L3MBTL1: variants seen among roughly 807,000 people sequenced by gnomAD.
The protein encoded by L3MBTL1 is lethal(3)malignant brain tumor-like protein 1.
A neutral mutation model predicts 105.3 loss-of-function variants in L3MBTL1; 75 were observed. That is an observed-to-expected ratio of 0.71 (90% CI 0.59 to 0.86). L3MBTL1 has a LOEUF of 0.86. Among genes scored for constraint, L3MBTL1 ranks in the 40% least tolerant of loss-of-function variants. The probability of loss-of-function intolerance (pLI) is 0.00; values close to 1 mark genes in which losing one functional copy is unlikely to be tolerated. For missense variants in L3MBTL1, 1,069 were observed against 1,126.4 expected (o/e 0.95, Z 0.73); for synonymous variants, 452 against 436.2 (o/e 1.04, Z -0.45).
chr20:43,543,033 A>G (rs980277883), downstream of L3MBTL1, among the ~76,000 whole-genome samples: 2 of 152,076 alleles, frequency 1.3e-5, no homozygotes, highest in African/African-American at 2.4e-5. Context: ...TTTGGGGTTC[A>G]TAAAAGCCCC....
rs773127753 is a variant in L3MBTL1 at position 43,535,878 on chromosome 20, C to T, written c.1867C>T (p.Pro623Ser). 2 of 1,612,512 alleles carry T rather than the reference C, an allele frequency of 1.2e-6. No homozygotes were observed. The highest frequency in any genetic ancestry group is 2.7e-5 in the African/African-American group (2 of 74,854). Residue 623 changes from proline to serine, a missense_variant, in exon 17 of 22, where the codon CCT becomes TCT. Transcript: ENST00000418998. ...CTCTGCCTCCCCTGGGGGCTGTCCC[C>T]CTCTCAGCTATAGGAGCCTGCCCCA... is the stretch of plus-strand genomic sequence containing the variant. Reference protein sequence around the residue: ...PSSASPGGCPPLSYRSLPHTR... With the variant: ...PSSASPGGCPSLSYRSLPHTR...
downstream of L3MBTL1, among the ~76,000 whole-genome samples, chr20:43,543,106 G>GTTT (rs55725272): frequency 1.4e-5 from 2 of 147,480 alleles, no homozygotes; most frequent in Non-Finnish European, 1.5e-5. Context: ...GCACCACTGA[G>GTTT]TTTTTTTTTT....
At chr20:43,509,175 G>GT (rs1038074430) in intron 1 of L3MBTL1, among the ~76,000 whole-genome samples, 51 of 151,904 alleles carry the variant, frequency 3.4e-4, no homozygotes, top group African/African-American at 1.2e-3. Flanking sequence ...CAGTTATGTG[G>GT]TTTTTTCTTT....
At chr20:43,539,125 G>C (rs1414896000) in intron 19 of L3MBTL1, 1 of 152,538 alleles carries the variant, frequency 6.6e-6, no homozygotes, top group Admixed American at 6.5e-5. Context: ...AGGTGGAAAA[G>C]CCAGGCTGAA....
downstream of L3MBTL1, among the ~76,000 whole-genome samples, chr20:43,545,441 A>G (rs1978532393): frequency 6.6e-6 from 1 of 151,930 alleles, no homozygotes; most frequent in Non-Finnish European, 1.5e-5. Flanking sequence ...TTCTGCACAG[A>G]CACATCTGCT....
chr20:43,548,018 C>G (rs774957386), intron 18 of L3MBTL1: 7 of 753,822 alleles, frequency 9.3e-6, no homozygotes, highest in African/African-American at 1.8e-5. Flanking sequence ...TCCCCTCCCC[C>G]ATTCCCCATG....
At chr20:43,535,811 G>A (rs750244126) in intron 16 of L3MBTL1, 26 bp from the exon 17 acceptor site, 2 of 1,492,266 alleles carry the variant, frequency 1.3e-6, no homozygotes, top group Non-Finnish European at 1.8e-6. Context: ...GACTCCATGA[G>A]GACCGCCTCC....
At chr20:43,524,409 A>G (rs1249902638) in intron 7 of L3MBTL1, among the ~76,000 whole-genome samples, 1 of 152,218 alleles carries the variant, frequency 6.6e-6, no homozygotes, top group African/African-American at 2.4e-5. Context: ...CTAAGAGTTC[A>G]GAGTAAGCAA....
chr20:43,549,820 A>T (rs1978872718), exon 19 of L3MBTL1: 1 of 152,164 alleles, frequency 6.6e-6, no homozygotes, highest in Non-Finnish European at 1.5e-5. Flanking sequence ...GCCAAGGGCT[A>T]TTATCATTAA....
chr20:43,533,292 C>T, intron 12 of L3MBTL1, 50 bp from the exon 13 acceptor site: 1 of 1,559,736 alleles, frequency 6.4e-7, no homozygotes, highest in Non-Finnish European at 8.8e-7. Flanking sequence ...GGATGGCAGG[C>T]TCAGGGCCTC....
chr20:43,526,570 A>G (rs868228995), intron 7 of L3MBTL1, among the ~76,000 whole-genome samples: 4 of 152,358 alleles, frequency 2.6e-5, no homozygotes, highest in Middle Eastern at 3.4e-3. Context: ...TGCTTGATCC[A>G]TTGATGAACA....
intron 19 of L3MBTL1, among the ~76,000 whole-genome samples, chr20:43,538,555 T>C (rs1256305612): frequency 6.6e-6 from 1 of 151,958 alleles, no homozygotes; most frequent in Non-Finnish European, 1.5e-5. Flanking sequence ...TAGTGTAGGC[T>C]CTGAGGTTTG....
chr20:43,542,898 T>C (rs2019969216), downstream of L3MBTL1, among the ~76,000 whole-genome samples: 1 of 152,224 alleles, frequency 6.6e-6, no homozygotes, highest in South Asian at 2.1e-4. Context: ...ATTTCATGAG[T>C]ATACCATAAT....
At position 43,534,953 on chromosome 20, in the gene L3MBTL1, CT is replaced by C; in HGVS notation, c.1825+12del. The C allele has an allele frequency of 6.4e-7, 1 of 1,551,124 alleles. No homozygotes were observed. ...TGCAGCCTCCTCTCGGTGTGTACCC[CT>C]AGGGCACTCTGATCTTTTCCTTTCC... On this transcript the variant is annotated intron_variant, in intron 16 of 21. Transcript: ENST00000418998.
intron 1 of L3MBTL1, among the ~76,000 whole-genome samples, chr20:43,508,350 T>C (rs2018041392): frequency 6.6e-6 from 1 of 152,164 alleles, no homozygotes; most frequent in Admixed American, 6.5e-5. Flanking sequence ...GTCCCGATCC[T>C]GGAACCCTGC....
chr20:43,522,122 C>T (rs932444590), intron 7 of L3MBTL1, among the ~76,000 whole-genome samples: 6 of 152,074 alleles, frequency 3.9e-5, no homozygotes, highest in African/African-American at 1.4e-4. Flanking sequence ...TTTGGGAGGC[C>T]GAGGCGGGTG....
intron 19 of L3MBTL1, among the ~76,000 whole-genome samples, chr20:43,538,144 G>A (rs942090285): frequency 6.6e-6 from 1 of 152,140 alleles, no homozygotes; most frequent in Non-Finnish European, 1.5e-5. Flanking sequence ...GAGTGATGAG[G>A]GTCTTGGCCA....
intron 1 of L3MBTL1, among the ~76,000 whole-genome samples, chr20:43,510,999 A>AGGTGT (rs2018120144): frequency 6.6e-6 from 1 of 152,164 alleles, no homozygotes; most frequent in Non-Finnish European, 1.5e-5. Flanking sequence ...CTGGGATTAC[A>AGGTGT]GGTGTGAGCC....
chr20:43,514,933 G>T, intron 4 of L3MBTL1, 76 bp from the exon 5 acceptor site: 2 of 1,550,452 alleles, frequency 1.3e-6, no homozygotes, highest in Non-Finnish European at 1.8e-6. Flanking sequence ...CGGAGGCAGG[G>T]CCTGAGGGGG....
Sources: allele counts gnomAD v4.1 joint callset (sites outside exome capture counted in the v4.1 genomes callset), GRCh38; gene constraint gnomAD v4.1.1; transcripts MANE v1.5; gene names NCBI Gene and HGNC (gene_info 2026-07-23, HGNC 2026-07-21).